NME7: variants seen among roughly 807,000 people sequenced by gnomAD.
NME7 encodes nucleoside diphosphate kinase 7.
Under a neutral mutation model 49.1 loss-of-function variants are expected in NME7, and 41 were observed. The observed-to-expected ratio is 0.83, with a 90% CI of 0.65 to 1.08. NME7 has a LOEUF of 1.08. Among genes scored for constraint, NME7 ranks in the 50% least tolerant of loss-of-function variants. The probability of loss-of-function intolerance (pLI) is 0.00; values close to 1 mark genes in which losing one functional copy is unlikely to be tolerated. For missense variants in NME7, 423 were observed against 463.4 expected, an observed-to-expected ratio of 0.91 and a Z score of 0.80; for synonymous variants, 139 against 150.6, an observed-to-expected ratio of 0.92 and a Z score of 0.56.
chr1:169,158,008 G>A (rs577442555), intron 11 of NME7, among the ~76,000 whole-genome samples: 8 of 152,264 alleles, frequency 5.3e-5, no homozygotes, highest in Admixed American at 2.0e-4. Context: ...TAGGTTGTCT[G>A]TTTACTATGT....
At chr1:169,351,272 G>T (rs1408802152) in intron 1 of NME7, among the ~76,000 whole-genome samples, 1 of 151,682 alleles carries the variant, frequency 6.6e-6, no homozygotes, top group Non-Finnish European at 1.5e-5. Flanking sequence ...CAAAATCAAA[G>T]GTCTCTTTCA....
intron 7 of NME7, among the ~76,000 whole-genome samples, chr1:169,265,157 T>C (rs1290603955): frequency 7.5e-6 from 1 of 132,494 alleles, no homozygotes; most frequent in Admixed American, 7.4e-5. Context: ...GAACCACAAT[T>C]CAAGATGAGA....
intron 3 of NME7, among the ~76,000 whole-genome samples, chr1:169,318,554 A>G (rs1266558022): frequency 6.6e-6 from 1 of 152,242 alleles, no homozygotes; most frequent in Non-Finnish European, 1.5e-5. Context: ...GTTAGTGCAT[A>G]CAGAAGTAGG....
At chr1:169,214,396 C>T (rs1660916971) in intron 10 of NME7, among the ~76,000 whole-genome samples, 1 of 152,102 alleles carries the variant, frequency 6.6e-6, no homozygotes, top group Admixed American at 6.5e-5. Flanking sequence ...CTTCTGAGTC[C>T]CCTGAGTTCC....
chr1:169,265,446 C>CA (rs1649289852), intron 7 of NME7, among the ~76,000 whole-genome samples: 1 of 133,080 alleles, frequency 7.5e-6, no homozygotes. Flanking sequence ...AGAACAAAGA[C>CA]ACAACAAATC....
At position 169,237,657 on chromosome 1, in the gene NME7, C is replaced by A. The variant is rs775741655; in HGVS notation, c.785G>T (p.Arg262Leu). ...AGCTGAGATTTCAAAACCTGCATCT[C>A]GGATAGCCATCAGGATCTTTCCCAA... ...GLLGKILMAIRDAGFEISAMQ... is the reference protein window; with the variant it reads ...GLLGKILMAILDAGFEISAMQ... Residue 262 changes from arginine (R) to leucine (L), a missense_variant, in exon 8 of 12, where the codon CGA becomes CTA. By Grantham distance (102) the Arg-to-Leu change is moderately radical (BLOSUM62 -2). Transcript: ENST00000367811. 1 of 1,610,578 alleles carries A rather than the reference C, an allele frequency of 6.2e-7. No individual in the cohort carries two copies. The highest frequency in any genetic ancestry group is 1.3e-5 in the African/African-American group (1 of 74,764).
At chr1:169,249,199 C>T (rs1469134102) in intron 7 of NME7, among the ~76,000 whole-genome samples, 7 of 151,968 alleles carry the variant, frequency 4.6e-5, no homozygotes, top group African/African-American at 1.2e-4. Flanking sequence ...AGATCTTTTA[C>T]CTCCTTGGTT....
intron 3 of NME7, among the ~76,000 whole-genome samples, chr1:169,319,496 G>A (rs1651775434): frequency 6.6e-6 from 1 of 152,178 alleles, no homozygotes; most frequent in Admixed American, 6.5e-5. Context: ...CCTCCAGGGA[G>A]AAGTATTCTT....
intron 11 of NME7, among the ~76,000 whole-genome samples, chr1:169,133,607 C>T (rs1658325341): frequency 6.6e-6 from 1 of 152,202 alleles, no homozygotes; most frequent in African/African-American, 2.4e-5. Flanking sequence ...GGAACAATGA[C>T]TCCACTTAAC....
In NME7 at chr1:169,230,826, T is replaced by TA. The variant is rs750283147; in HGVS notation, c.889-8dup. 5 of 1,535,378 alleles carry TA rather than the reference T, an allele frequency of 3.3e-6. No individual in the cohort carries two copies. In the African/African-American group the frequency reaches 5.5e-5, roughly 17 times the overall value. On this transcript the variant is annotated splice_polypyrimidine_tract_variant and splice_region_variant and intron_variant, in intron 9 of 11. Coordinates refer to ENST00000367811, the MANE Select transcript of NME7 (RefSeq NM_013330.5). ...ACATTTCTGTCACCATGTCCTATGA[T>TA]ATGTAATATAAAAGAATGAAAAGAA...
intron 7 of NME7, among the ~76,000 whole-genome samples, chr1:169,272,471 CGT>C (rs1177650838): frequency 2.7e-5 from 3 of 110,734 alleles, no homozygotes; most frequent in Admixed American, 9.1e-5. Context: ...CAGGCCGCAG[CGT>C]GTGTTGTTCC....
intron 5 of NME7, among the ~76,000 whole-genome samples, chr1:169,299,361 T>C (rs530160513): frequency 2.0e-4 from 30 of 152,236 alleles, no homozygotes; most frequent in Middle Eastern, 3.4e-3. Context: ...ATTATTAAAG[T>C]GTACGCATCG....
intron 10 of NME7, among the ~76,000 whole-genome samples, chr1:169,181,134 TTATC>T (rs60560425): frequency 0.21 from 25,772 of 123,818 alleles, 2,772 homozygotes; most frequent in African/African-American, 0.32. Flanking sequence ...TCCTATCTAT[TTATC>T]TATCTATCTA....
intron 7 of NME7, among the ~76,000 whole-genome samples, chr1:169,249,335 T>C (rs745788464): frequency 6.6e-6 from 1 of 152,186 alleles, no homozygotes; most frequent in Non-Finnish European, 1.5e-5. Flanking sequence ...ATTGATTTTG[T>C]GACCTGAGAC....
chr1:169,311,077 C>T (rs570606338), intron 3 of NME7, among the ~76,000 whole-genome samples: 2 of 152,152 alleles, frequency 1.3e-5, no homozygotes, highest in East Asian at 3.9e-4. Context: ...TTGGTCTTTT[C>T]ATTTTGGATT....
chr1:169,301,197 T>C lies in NME7; in HGVS notation c.440+1948A>G, dbSNP rs576238802. On this transcript the variant is annotated intron_variant, in intron 5 of 11. Coordinates refer to ENST00000367811, the MANE Select transcript of NME7 (RefSeq NM_013330.5). ...CTATGCATTCAACAAAGGACTAATA[T>C]GCAGAATCTGTAACGACCTTAAATA... 2.6e-4 allele frequency among the ~76,000 whole-genome samples: 40 copies of C among 152,210 alleles called. 1 individual carries two copies. Among genetic ancestry groups the C allele is most frequent in the African/African-American group, 9.4e-4 (39 of 41,526 alleles).
chr1:169,255,699 T>C lies in NME7; in HGVS notation c.755-18012A>G, dbSNP rs1174207380. Among the ~76,000 whole-genome samples, 21 of 128,496 alleles carry C rather than the reference T, an allele frequency of 1.6e-4. 5 individuals carry two copies. The highest frequency in any genetic ancestry group is 3.6e-4 in the Non-Finnish European group (20 of 55,684). 84.3% of individuals were successfully genotyped at this position (128,496 alleles called of 152,430 possible). On this transcript the variant is annotated intron_variant, in intron 7 of 11. Transcript: ENST00000367811. ...TTTGGCATGATTTTGCAGCGGCTGG[T>C]ACCGGTTGCTCCTTTCCATGTTTAG...
At chr1:169,188,829 C>T (rs1260145336) in intron 10 of NME7, among the ~76,000 whole-genome samples, 1 of 152,124 alleles carries the variant, frequency 6.6e-6, no homozygotes, top group East Asian at 1.9e-4. Flanking sequence ...AAGGAATATT[C>T]TAAGAAACTG....
intron 6 of NME7, among the ~76,000 whole-genome samples, chr1:169,290,333 C>A (rs1361362477): frequency 6.6e-6 from 1 of 152,040 alleles, no homozygotes; most frequent in Non-Finnish European, 1.5e-5. Context: ...ATCAATGGAA[C>A]AGAACAGAGG....
Sources: allele counts gnomAD v4.1 joint callset (sites outside exome capture counted in the v4.1 genomes callset), GRCh38; gene constraint gnomAD v4.1.1; transcripts MANE v1.5; gene names NCBI Gene and HGNC (gene_info 2026-07-23, HGNC 2026-07-21).